The following MEF2A variants were observed in gnomAD, a reference collection of about 807,000 sequenced individuals.
MEF2A encodes myocyte enhancer factor 2A.
Under a neutral mutation model 55.8 loss-of-function variants are expected in MEF2A, and 28 were observed. The ratio of observed to expected loss-of-function variants is 0.50; its 90% CI spans 0.37 to 0.69. The LOEUF is 0.69. Ranked by LOEUF, MEF2A falls within the 30% of genes least tolerant of loss-of-function variation. MEF2A has a pLI of 0.00. For missense variants in MEF2A, 528 were observed against 626.2 expected, an observed-to-expected ratio of 0.84 and a Z score of 1.67; for synonymous variants, 239 against 227.1, an observed-to-expected ratio of 1.05 and a Z score of -0.47.
chr15:99,665,373 G>A (rs143490112), intron 4 of MEF2A, among the ~76,000 whole-genome samples: 3 of 150,808 alleles, frequency 2.0e-5, no homozygotes, highest in Non-Finnish European at 3.0e-5. Flanking sequence ...TTGGAAAAAC[G>A]AGCCAGCCAT....
At chr15:99,626,792 A>T (rs1456414716) in intron 2 of MEF2A, among the ~76,000 whole-genome samples, 1 of 152,220 alleles carries the variant, frequency 6.6e-6, no homozygotes, top group African/African-American at 2.4e-5. Context: ...AGATTTGCTT[A>T]TTATTTTCTA....
At chr15:99,620,822 G>T (rs1395954477) in intron 2 of MEF2A, 1 of 150,166 alleles carries the variant, frequency 6.7e-6, no homozygotes, top group African/African-American at 2.4e-5. Context: ...TATTCCCCTT[G>T]CTCTGTAACC....
At chr15:99,683,376 G>GA (rs570407229) in intron 7 of MEF2A, among the ~76,000 whole-genome samples, 288 of 152,202 alleles carry the variant, frequency 1.9e-3, no homozygotes, top group African/African-American at 6.6e-3. Context: ...GGGTAAGGAA[G>GA]AAAAAACCAC....
intron 1 of MEF2A, among the ~76,000 whole-genome samples, chr15:99,584,231 G>A (rs1966735264): frequency 6.6e-6 from 1 of 152,060 alleles, no homozygotes; most frequent in Non-Finnish European, 1.5e-5. Flanking sequence ...CAATGACTGG[G>A]GAATGTCAGC....
chr15:99,584,865 A>C (rs965627594), intron 1 of MEF2A, among the ~76,000 whole-genome samples: 12 of 152,196 alleles, frequency 7.9e-5, no homozygotes, highest in African/African-American at 2.7e-4. Flanking sequence ...CAATAAAGCT[A>C]CTTTCTTTTT....
At chr15:99,637,703 C>T (rs2044128987) in intron 3 of MEF2A, among the ~76,000 whole-genome samples, 2 of 152,028 alleles carry the variant, frequency 1.3e-5, no homozygotes, top group Admixed American at 1.3e-4. Flanking sequence ...AGTGCAGTGG[C>T]ACGCTGTCGG....
At chr15:99,625,744 T>C (rs897228693) in intron 2 of MEF2A, among the ~76,000 whole-genome samples, 1 of 152,172 alleles carries the variant, frequency 6.6e-6, no homozygotes, top group Non-Finnish European at 1.5e-5. Context: ...ATGTTTTTTT[T>C]CCCTCTTTAT....
At chr15:99,643,223 T>C (rs1412238395) in intron 3 of MEF2A, among the ~76,000 whole-genome samples, 1 of 152,228 alleles carries the variant, frequency 6.6e-6, no homozygotes. Context: ...AAAATACTAA[T>C]TAACACTCTA....
intron 4 of MEF2A, among the ~76,000 whole-genome samples, chr15:99,670,634 A>G (rs2050700075): frequency 6.6e-6 from 1 of 152,102 alleles, no homozygotes; most frequent in Non-Finnish European, 1.5e-5. Context: ...AAAAGAAAAG[A>G]CAGTTCTCCA....
chr15:99,652,923 G>T (rs553359321), intron 4 of MEF2A, among the ~76,000 whole-genome samples: 1 of 152,268 alleles, frequency 6.6e-6, no homozygotes, highest in Middle Eastern at 3.4e-3. Flanking sequence ...TGGCCCTATT[G>T]CTGCCTTTTT....
intron 2 of MEF2A, among the ~76,000 whole-genome samples, chr15:99,622,315 C>T (rs1439935829): frequency 6.6e-6 from 1 of 152,030 alleles, no homozygotes; most frequent in Non-Finnish European, 1.5e-5. Context: ...TTTTTTCCCT[C>T]CTAGGAAAAG....
At chr15:99,665,609 G>T (rs569040027) in intron 4 of MEF2A, among the ~76,000 whole-genome samples, 2 of 151,648 alleles carry the variant, frequency 1.3e-5, no homozygotes, top group African/African-American at 4.8e-5. Flanking sequence ...AAGAGCTTCT[G>T]CACAGCAAAA....
chr15:99,628,178 GTA>G lies in MEF2A; in HGVS notation c.-142-4798_-142-4797del, dbSNP rs144318591. 8.4e-3 allele frequency among the ~76,000 whole-genome samples: 1,280 copies of G among 152,178 alleles called. 16 individuals carry two copies. Among genetic ancestry groups the G allele is most frequent in the African/African-American group, 0.028 (1,164 of 41,522 alleles). ...TGAATTGAACTTTTATTGTTTTGAA[GTA>G]TCCTTCTATATCTATCCATGCAATC... On this transcript the variant is annotated intron_variant, in intron 2 of 11. Transcript: ENST00000557942.
intron 4 of MEF2A, among the ~76,000 whole-genome samples, chr15:99,668,812 A>C (rs574225998): frequency 6.6e-6 from 1 of 152,216 alleles, no homozygotes; most frequent in African/African-American, 2.4e-5. Flanking sequence ...AGAAACTTCT[A>C]CTGTTGTGCT....
chr15:99,648,972 G>T (rs750079883), intron 4 of MEF2A, among the ~76,000 whole-genome samples: 3 of 152,028 alleles, frequency 2.0e-5, no homozygotes, highest in Admixed American at 6.6e-5. Flanking sequence ...GGTAGAAATG[G>T]TGCTCTTATT....
intron 7 of MEF2A, among the ~76,000 whole-genome samples, chr15:99,686,861 G>C (rs2054330663): frequency 6.6e-6 from 1 of 151,688 alleles, no homozygotes; most frequent in Non-Finnish European, 1.5e-5. Flanking sequence ...TTATTCTTAG[G>C]TTTGGCTGTT....
At chr15:99,631,291 A>C (rs112488962) in intron 2 of MEF2A, among the ~76,000 whole-genome samples, 1 of 152,226 alleles carries the variant, frequency 6.6e-6, no homozygotes, top group Non-Finnish European at 1.5e-5. Context: ...CTACTACAGT[A>C]CAAGTGTTTA....
chr15:99,587,600 T>C (rs1233368719), intron 1 of MEF2A, among the ~76,000 whole-genome samples: 1 of 152,226 alleles, frequency 6.6e-6, no homozygotes, highest in Non-Finnish European at 1.5e-5. Context: ...TATTTTTGTA[T>C]GCCTTCCTTA....
intron 4 of MEF2A, among the ~76,000 whole-genome samples, chr15:99,656,731 T>C (rs902320988): frequency 1.2e-4 from 18 of 152,262 alleles, no homozygotes; most frequent in Admixed American, 1.1e-3. Context: ...TGAAATTGAA[T>C]GCATATTTTA....
Sources: allele counts gnomAD v4.1 joint callset (sites outside exome capture counted in the v4.1 genomes callset), GRCh38; gene constraint gnomAD v4.1.1; transcripts MANE v1.5; gene names NCBI Gene and HGNC (gene_info 2026-07-23, HGNC 2026-07-21).